Variants in PCDHA2 observed in about 807,000 individuals in gnomAD.
The protein encoded by PCDHA2 is protocadherin alpha-2.
In PCDHA2, 58 loss-of-function variants were observed where a neutral mutation model predicts 66.0. The observed-to-expected ratio is 0.88, with a 90% confidence interval of 0.71 to 1.09. The LOEUF is 1.09. PCDHA2 is among the 50% of genes least tolerant of loss of function. The probability of loss-of-function intolerance (pLI) is 0.00; values close to 1 mark genes in which losing one functional copy is unlikely to be tolerated. For missense variants in PCDHA2, 1,267 were observed against 1,242.3 expected (o/e 1.02, Z -0.30); for synonymous variants, 634 against 554.0 (o/e 1.14, Z -2.03).
intron 1 of PCDHA2, chr5:140,882,154 A>C (rs2058976763): frequency 1.3e-6 from 2 of 1,505,976 alleles, no homozygotes; most frequent in Non-Finnish European, 1.8e-6. Flanking sequence ...AGAAAGCGGA[A>C]TACCTCTTGC....
intron 1 of PCDHA2, among the ~76,000 whole-genome samples, chr5:140,978,488 C>T (rs1453613410): frequency 6.6e-6 from 1 of 152,224 alleles, no homozygotes; most frequent in Non-Finnish European, 1.5e-5. Flanking sequence ...TCTGCAAAGC[C>T]AGCAGCAGAT....
At chr5:140,914,297 G>A (rs1371976850) in intron 1 of PCDHA2, among the ~76,000 whole-genome samples, 2 of 152,056 alleles carry the variant, frequency 1.3e-5, no homozygotes, top group African/African-American at 4.8e-5. Flanking sequence ...ATATCCTCTT[G>A]CTGAATTGAC....
chr5:140,845,092 C>T lies in PCDHA2; in HGVS notation c.2388+47740C>T, dbSNP rs145327720. Among the ~76,000 whole-genome samples, 352 of 149,676 alleles carry T rather than the reference C, an allele frequency of 2.4e-3. 12 individuals are homozygous for T. Among genetic ancestry groups the T allele is most frequent in the African/African-American group, 8.0e-3 (326 of 40,968 alleles). On this transcript the variant is annotated intron_variant, in intron 1 of 3. Transcript: ENST00000526136. Reference sequence around the variant, plus strand: ...CAGCATTGTTTTGTAGTTTATTTTACAGTTCTCTTAATGCCTGTCCATGTT... The same window carrying T: ...CAGCATTGTTTTGTAGTTTATTTTATAGTTCTCTTAATGCCTGTCCATGTT...
At chr5:140,802,873 A>G (rs1554122424) in intron 1 of PCDHA2, 12 of 1,613,654 alleles carry the variant, frequency 7.4e-6, no homozygotes, top group Non-Finnish European at 8.5e-7. Flanking sequence ...CTGGACGAGA[A>G]CGACAACGCG....
chr5:140,823,068 G>C, intron 1 of PCDHA2: 1 of 1,614,034 alleles, frequency 6.2e-7, no homozygotes, highest in Non-Finnish European at 8.5e-7. Context: ...ACGGGGGCTC[G>C]CCTTCGCTGT....
Position 140,920,248 on chromosome 5 carries a change from C to T in PCDHA2, c.2389-58701C>T, listed in dbSNP as rs77829363. 2.9e-3 allele frequency among the ~76,000 whole-genome samples: 443 copies of T among 152,218 alleles called. 1 individual carries two copies. The highest frequency in any genetic ancestry group is 0.01 in the African/African-American group (423 of 41,510). Reference sequence around the variant, plus strand: ...TAGTATTATATACCCAACAATACATCGCTATAATAATTATTACTTTATGTA... The same window carrying T: ...TAGTATTATATACCCAACAATACATTGCTATAATAATTATTACTTTATGTA... On this transcript the variant is annotated intron_variant, in intron 1 of 3. Coordinates refer to ENST00000526136, the MANE Select transcript of PCDHA2 (RefSeq NM_018905.3).
rs1181664726 is a variant in PCDHA2 at position 140,982,480 on chromosome 5, T to C, written c.2453T>C (p.Val818Ala). ...GGGTCTGTGTGTTTATTCAGCTCTG[T>C]GCACCTAGAGGAGGCTGGCATTCTA... ...ASLRAGMHSS[V>A]HLEEAGILRA... is the part of the protein sequence containing the mutation. The change falls in exon 3 of 4, where the codon GTG (valine) becomes GCG (alanine). Residue 818 changes from valine (V) to alanine (A), a missense_variant. Coordinates refer to ENST00000526136, the MANE Select transcript of PCDHA2 (RefSeq NM_018905.3). 5.0e-6 allele frequency: 8 copies of C among 1,614,216 alleles called. No individual in the cohort carries two copies. Among genetic ancestry groups the C allele is most frequent in the Non-Finnish European group, 6.8e-6 (8 of 1,180,038 alleles).
In PCDHA2 at chr5:140,876,240, A is replaced by G. The variant is rs375639572; in HGVS notation, c.2388+78888A>G. 7.0e-5 allele frequency: 113 copies of G among 1,613,906 alleles called. No homozygotes were observed. The highest frequency in any genetic ancestry group is 8.3e-5 in the Admixed American group (5 of 60,008). Reference sequence around the variant, plus strand: ...AAGTAGTGTTGTCTGAAAATGTCCAAAACGACACAAGAGTGATCCAACTAA... The same window carrying G: ...AAGTAGTGTTGTCTGAAAATGTCCAGAACGACACAAGAGTGATCCAACTAA... On this transcript the variant is annotated intron_variant, in intron 1 of 3. Coordinates refer to ENST00000526136, the MANE Select transcript of PCDHA2 (RefSeq NM_018905.3).
At chr5:140,948,292 A>G (rs1174586168) in intron 1 of PCDHA2, among the ~76,000 whole-genome samples, 1 of 151,576 alleles carries the variant, frequency 6.6e-6, no homozygotes, top group Non-Finnish European at 1.5e-5. Flanking sequence ...AATTTTGTAA[A>G]GAATATCTTT....
intron 1 of PCDHA2, among the ~76,000 whole-genome samples, chr5:140,895,711 T>C (rs2065121989): frequency 6.6e-6 from 1 of 152,216 alleles, no homozygotes; most frequent in African/African-American, 2.4e-5. Flanking sequence ...CTTGGGATAA[T>C]GGCCTGCACC....
intron 3 of PCDHA2, among the ~76,000 whole-genome samples, chr5:140,994,257 G>A (rs1232863771): frequency 6.6e-6 from 1 of 152,122 alleles, no homozygotes; most frequent in East Asian, 1.9e-4. Context: ...AGGTAAATAA[G>A]GTAAGCTAGG....
intron 3 of PCDHA2, among the ~76,000 whole-genome samples, chr5:140,992,594 G>A (rs782416770): frequency 2.6e-5 from 4 of 152,148 alleles, no homozygotes; most frequent in Non-Finnish European, 2.9e-5. Flanking sequence ...TGCATCTAGC[G>A]TCTGTGTCTA....
chr5:140,920,403 T>A (rs1440027208), intron 1 of PCDHA2, among the ~76,000 whole-genome samples: 3 of 152,356 alleles, frequency 2.0e-5, no homozygotes, highest in South Asian at 2.1e-4. Context: ...TGTCTTTTTT[T>A]AATCAGATAC....
chr5:140,879,479 G>A (rs992823540), intron 1 of PCDHA2, among the ~76,000 whole-genome samples: 10 of 152,196 alleles, frequency 6.6e-5, no homozygotes, highest in Non-Finnish European at 1.3e-4. Context: ...GTTGTGATTG[G>A]AAATATGGGT....
At position 140,875,429 on chromosome 5, in the gene PCDHA2, C is replaced by T. The variant is rs781965482; in HGVS notation, c.2388+78077C>T. ...CATAAAATACCTCAGGCAAGCGATCCCTTAAAACTGATTGTCCCAACTCAG... is the reference window on the plus strand; with the variant it reads ...CATAAAATACCTCAGGCAAGCGATCTCTTAAAACTGATTGTCCCAACTCAG... On this transcript the variant is annotated intron_variant, in intron 1 of 3. Transcript: ENST00000526136. The T allele has an allele frequency of 1.9e-6, 3 of 1,551,972 alleles. No homozygotes were observed. In the Admixed American group the frequency reaches 6.1e-5, roughly 32 times the overall value.
At chr5:140,836,263 A>G in intron 1 of PCDHA2, 1 of 1,613,768 alleles carries the variant, frequency 6.2e-7, no homozygotes, top group Non-Finnish European at 8.5e-7. Context: ...GTGGGGCTGT[A>G]CACTGGTGAG....
At chr5:140,809,025 CG>C in intron 1 of PCDHA2, 1 of 1,613,630 alleles carries the variant, frequency 6.2e-7, no homozygotes, top group Non-Finnish European at 8.5e-7. Context: ...GAGCTGCAGC[CG>C]GGGACTGGTG....
chr5:140,858,871 T>A (rs1000901337), intron 1 of PCDHA2: 6 of 248,826 alleles, frequency 2.4e-5, no homozygotes, highest in African/African-American at 1.2e-4. Context: ...TGAAAATGTG[T>A]TTTCCTCCAT....
At chr5:140,892,136 G>T (rs1441807118) in intron 1 of PCDHA2, among the ~76,000 whole-genome samples, 1 of 152,254 alleles carries the variant, frequency 6.6e-6, no homozygotes, top group East Asian at 1.9e-4. Flanking sequence ...TAAGCTCATG[G>T]TTTTAGCGTC....
Sources: gnomAD v4.1 joint callset for allele counts (sites outside exome capture counted in the v4.1 genomes callset) on GRCh38, gnomAD v4.1.1 for gene constraint, MANE v1.5 for transcripts, NCBI Gene and HGNC (gene_info 2026-07-23, HGNC 2026-07-21) for gene names.